FRMD3: variants seen among roughly 807,000 people sequenced by gnomAD.
FRMD3 encodes FERM domain-containing protein 3.
Under a neutral mutation model 70.2 loss-of-function variants are expected in FRMD3, and 33 were observed. The ratio of observed to expected loss-of-function variants is 0.47; its 90% confidence interval spans 0.36 to 0.63. The LOEUF (loss-of-function observed/expected upper bound fraction) is 0.63. Ranked by LOEUF, FRMD3 falls within the 20% of genes least tolerant of loss-of-function variation. FRMD3 has a pLI of 0.00. For missense variants in FRMD3, 632 were observed against 711.4 expected (o/e 0.89, Z 1.27); for synonymous variants, 279 against 255.9 (o/e 1.09, Z -0.86).
chr9:83,295,234 C>G (rs1342036240), intron 12 of FRMD3, among the ~76,000 whole-genome samples: 1 of 152,014 alleles, frequency 6.6e-6, no homozygotes, highest in East Asian at 1.9e-4. Context: ...GTAAGATGGG[C>G]AAGAAAAATA....
At chr9:83,402,898 CTTTTTTTTT>C (rs559570925) in intron 1 of FRMD3, among the ~76,000 whole-genome samples, 1 of 87,296 alleles carries the variant, frequency 1.1e-5, no homozygotes, top group Non-Finnish European at 2.1e-5. Context: ...TTCTTTCTTT[CTTTTTTTTT>C]TTTTTTTTTT....
At position 83,357,238 on chromosome 9, in the gene FRMD3, AATACATACATATATATATATATATAT is replaced by A. The variant is rs1422998189; in HGVS notation, c.296-7507_296-7482del. Among the ~76,000 whole-genome samples the A allele has an allele frequency of 1.3e-3, 5 of 3,980 alleles. 2 individuals carry two copies. The East Asian group carries it at 0.043, about 34-fold the overall frequency. The allele number at this position is 3,980 out of a possible 152,430, so 2.6% of individuals were successfully genotyped here. On this transcript the variant is annotated intron_variant, in intron 3 of 13. Transcript: ENST00000304195. The stretch of plus-strand genomic sequence containing the variant: ...GAATATATATATTTTATATATATAT[AATACATACATATATATATATATATAT>A]ATATATATATATATATATATATATA...
rs569228375 is a variant in FRMD3 at position 83,446,125 on chromosome 9, T to C, written c.148-56417A>G. 5.3e-5 allele frequency among the ~76,000 whole-genome samples: 8 copies of C among 152,228 alleles called. No homozygotes were observed. In the East Asian group the frequency reaches 1.5e-3, roughly 29 times the overall value. On this transcript the variant is annotated intron_variant, in intron 1 of 13. Transcript: ENST00000304195. Reference sequence around the variant, plus strand: ...AACACAGATCCCTTCCATTAGAACATGGTCACTAGGGCCAATCTGAGCCGT... The same window carrying C: ...AACACAGATCCCTTCCATTAGAACACGGTCACTAGGGCCAATCTGAGCCGT...
the FRMD3 span, among the ~76,000 whole-genome samples, chr9:83,558,526 A>G: frequency 6.6e-6 from 1 of 152,222 alleles, no homozygotes; most frequent in Non-Finnish European, 1.5e-5. Flanking sequence ...ATGGAGATAT[A>G]TGTGGAGATG....
At chr9:83,299,680 T>C (rs1834826042) in intron 10 of FRMD3, among the ~76,000 whole-genome samples, 1 of 152,220 alleles carries the variant, frequency 6.6e-6, no homozygotes, top group African/African-American at 2.4e-5. Context: ...CACTGTGCAT[T>C]GCCCAAGTGA....
the FRMD3 span, among the ~76,000 whole-genome samples, chr9:83,563,334 T>C: frequency 6.6e-6 from 1 of 152,292 alleles, no homozygotes; most frequent in East Asian, 1.9e-4. Flanking sequence ...TGGGGGACTG[T>C]TCTCCCAGTG....
the FRMD3 span, among the ~76,000 whole-genome samples, chr9:83,567,342 C>A: frequency 1.4e-4 from 22 of 152,280 alleles, no homozygotes; most frequent in South Asian, 4.4e-3. Flanking sequence ...ACCACTTTTT[C>A]CTCCTAGGCC....
intron 1 of FRMD3, among the ~76,000 whole-genome samples, chr9:83,503,150 C>A (rs771420460): frequency 5.9e-5 from 9 of 152,130 alleles, no homozygotes; most frequent in Non-Finnish European, 1.3e-4. Context: ...GACGACAGAA[C>A]CTATCCTATG....
rs1271885971 is a variant in FRMD3 at position 83,283,543 on chromosome 9, AAAAAATAATAAT to A, written c.1195+7048_1195+7059del. 2.2e-3 allele frequency among the ~76,000 whole-genome samples: 99 copies of A among 44,314 alleles called. 1 individual carries two copies. Among genetic ancestry groups the A allele is most frequent in the African/African-American group, 3.5e-3 (58 of 16,442 alleles). 29.1% of individuals were successfully genotyped at this position (44,314 alleles called of 152,430 possible). On this transcript the variant is annotated intron_variant, in intron 13 of 13. Coordinates refer to ENST00000304195, the MANE Select transcript of FRMD3 (RefSeq NM_174938.6). ...GAGAATCCATCTCAAAAAAAAAAAA[AAAAAATAATAAT>A]AATAATAATAATAATAATAATCCAA... is the stretch of plus-strand genomic sequence containing the variant.
rs533575427 is a variant in FRMD3 at position 83,301,969 on chromosome 9, G to A, written c.927-2783C>T. ...GACAGTTGCCTCAGAGCATTCCCAC[G>A]AATCCCCTGCCCTCCCAAATGTCCA... is the stretch of plus-strand genomic sequence containing the variant. On this transcript the variant is annotated intron_variant, in intron 10 of 13. Coordinates refer to ENST00000304195, the MANE Select transcript of FRMD3 (RefSeq NM_174938.6). Among the ~76,000 whole-genome samples, 5 of 152,312 alleles carry A rather than the reference G, an allele frequency of 3.3e-5. No homozygotes were observed. In the South Asian group the frequency reaches 1.0e-3, roughly 32 times the overall value.
chr9:83,369,908 A>T (rs1466746182), intron 3 of FRMD3, among the ~76,000 whole-genome samples: 2 of 152,190 alleles, frequency 1.3e-5, no homozygotes, highest in Non-Finnish European at 2.9e-5. Flanking sequence ...TTTTGTCTTC[A>T]TTTTAAATCT....
intron 1 of FRMD3, among the ~76,000 whole-genome samples, chr9:83,408,669 G>A (rs994028736): frequency 7.2e-5 from 11 of 152,222 alleles, no homozygotes; most frequent in African/African-American, 2.4e-4. Flanking sequence ...TGACCTTGGT[G>A]TCAACCCCTA....
intron 1 of FRMD3, among the ~76,000 whole-genome samples, chr9:83,459,748 C>T (rs949592204): frequency 6.6e-6 from 1 of 152,242 alleles, no homozygotes; most frequent in African/African-American, 2.4e-5. Flanking sequence ...CCGTCTTAGT[C>T]GGCTCAGGCT....
chr9:83,403,072 T>TCC (rs748659149), intron 1 of FRMD3, among the ~76,000 whole-genome samples: 4 of 151,812 alleles, frequency 2.6e-5, no homozygotes, highest in East Asian at 3.9e-4. Flanking sequence ...CCCAGATAAT[T>TCC]TTTGTATTTT....
intron 2 of FRMD3, among the ~76,000 whole-genome samples, chr9:83,378,610 A>T (rs182778016): frequency 0.03 from 3,911 of 131,114 alleles, 339 homozygotes; most frequent in African/African-American, 0.1. Flanking sequence ...TATAAAATTT[A>T]TATATATTAT....
chr9:83,392,037 G>A (rs1325344354), intron 1 of FRMD3, among the ~76,000 whole-genome samples: 1 of 151,136 alleles, frequency 6.6e-6, no homozygotes, highest in Admixed American at 6.6e-5. Flanking sequence ...CACAACATGG[G>A]AAAAGCACAA....
chr9:83,568,609 G>A, the FRMD3 span, among the ~76,000 whole-genome samples: 5 of 152,242 alleles, frequency 3.3e-5, no homozygotes, highest in South Asian at 1.0e-3. Flanking sequence ...AAGAATTAGA[G>A]AGTAGAACAA....
chr9:83,463,206 T>C (rs1038956899), intron 1 of FRMD3, among the ~76,000 whole-genome samples: 3 of 152,218 alleles, frequency 2.0e-5, no homozygotes, highest in African/African-American at 7.2e-5. Flanking sequence ...CATTACATAC[T>C]GAAATATTCA....
intron 1 of FRMD3, among the ~76,000 whole-genome samples, chr9:83,467,232 C>G (rs1166572630): frequency 2.0e-5 from 3 of 152,162 alleles, no homozygotes; most frequent in African/African-American, 7.2e-5. Flanking sequence ...AATACATTGT[C>G]TGGCCAATTT....
Sources: allele counts gnomAD v4.1 joint callset (sites outside exome capture counted in the v4.1 genomes callset), GRCh38; gene constraint gnomAD v4.1.1; transcripts MANE v1.5; gene names NCBI Gene and HGNC (gene_info 2026-07-23, HGNC 2026-07-21).